The following DLG2 variants were observed in gnomAD, a reference collection of about 807,000 sequenced individuals.
The protein encoded by DLG2 is disks large homolog 2.
DLG2 carries 45 observed loss-of-function variants against 132.5 expected under a neutral mutation model. That is an observed-to-expected ratio of 0.34 (90% confidence interval 0.27 to 0.44). DLG2 has a LOEUF of 0.44. DLG2 is among the 20% of genes least tolerant of loss of function. The pLI, the probability that DLG2 is intolerant of heterozygous loss-of-function variation, is 1.00. For synonymous variants in DLG2, 424 were observed against 419.6 expected, an observed-to-expected ratio of 1.01 and a Z score of -0.13; for missense variants, 1,045 against 1,196.9, an observed-to-expected ratio of 0.87 and a Z score of 1.87.
intron 6 of DLG2, among the ~76,000 whole-genome samples, chr11:84,758,034 G>A (rs1404757738): frequency 6.6e-6 from 1 of 152,190 alleles, no homozygotes; most frequent in Non-Finnish European, 1.5e-5. Flanking sequence ...CAATGGTTGG[G>A]TCATTGCCAT....
chr11:83,686,801 C>T (rs1183085596), intron 18 of DLG2, among the ~76,000 whole-genome samples: 1 of 152,130 alleles, frequency 6.6e-6, no homozygotes, highest in African/African-American at 2.4e-5. Flanking sequence ...TTTGATACAA[C>T]AATTCCAGAG....
chr11:84,002,297 C>G (rs12421337), intron 11 of DLG2, among the ~76,000 whole-genome samples: 3 of 152,134 alleles, frequency 2.0e-5, no homozygotes, highest in African/African-American at 7.2e-5. Context: ...ATCTACCATC[C>G]TAGGGTCTGG....
At chr11:84,333,586 C>CT (rs2098470888) in intron 7 of DLG2, among the ~76,000 whole-genome samples, 1 of 152,170 alleles carries the variant, frequency 6.6e-6, no homozygotes, top group Non-Finnish European at 1.5e-5. Context: ...GCTGTTTACA[C>CT]TTTTTTCTTA....
intron 18 of DLG2, among the ~76,000 whole-genome samples, chr11:83,715,597 A>G (rs1450093447): frequency 1.3e-5 from 2 of 152,178 alleles, no homozygotes. Flanking sequence ...TCTAATGGCA[A>G]AATTGATCTT....
intron 7 of DLG2, among the ~76,000 whole-genome samples, chr11:84,349,879 T>TA (rs891079076): frequency 1.6e-4 from 24 of 151,912 alleles, no homozygotes; most frequent in Admixed American, 1.5e-3. Flanking sequence ...ATTCTGGCTT[T>TA]AAAAAAATCC....
chr11:83,916,428 G>A (rs2076935564), intron 15 of DLG2, among the ~76,000 whole-genome samples: 1 of 151,898 alleles, frequency 6.6e-6, no homozygotes, highest in African/African-American at 2.4e-5. Flanking sequence ...TGACTCTCCT[G>A]TCTCAACCTC....
chr11:84,685,584 A>T (rs1357141389), intron 6 of DLG2, among the ~76,000 whole-genome samples: 1 of 152,218 alleles, frequency 6.6e-6, no homozygotes, highest in Non-Finnish European at 1.5e-5. Context: ...TGAGCTAGAG[A>T]TTTATTTATC....
intron 16 of DLG2, among the ~76,000 whole-genome samples, chr11:83,834,172 C>A (rs540135666): frequency 6.6e-6 from 1 of 152,224 alleles, no homozygotes; most frequent in Non-Finnish European, 1.5e-5. Flanking sequence ...TCTTACAAGC[C>A]AGGTTGTGGG....
intron 15 of DLG2, among the ~76,000 whole-genome samples, chr11:83,883,179 T>C (rs375686477): frequency 6.6e-6 from 1 of 152,200 alleles, no homozygotes; most frequent in Admixed American, 6.5e-5. Context: ...AGTTAACATA[T>C]CGTGTTCCTT....
chr11:84,630,261 G>A (rs1286460079), intron 6 of DLG2, among the ~76,000 whole-genome samples: 2 of 152,162 alleles, frequency 1.3e-5, no homozygotes, highest in East Asian at 3.9e-4. Flanking sequence ...CTATGTCTGA[G>A]TAAATAACTC....
chr11:84,616,996 T>A (rs924852812), intron 6 of DLG2, among the ~76,000 whole-genome samples: 8 of 151,170 alleles, frequency 5.3e-5, no homozygotes, highest in Non-Finnish European at 7.4e-5. Flanking sequence ...TTTTTTTTTT[T>A]AATTATACTT....
chr11:83,513,101 A>T (rs895646769), intron 21 of DLG2, among the ~76,000 whole-genome samples: 2 of 152,200 alleles, frequency 1.3e-5, no homozygotes, highest in East Asian at 3.9e-4. Context: ...CCTGAGGAAT[A>T]GCCACACTGT....
intron 3 of DLG2, among the ~76,000 whole-genome samples, chr11:85,405,032 A>G (rs1459909575): frequency 1.3e-5 from 2 of 151,906 alleles, no homozygotes; most frequent in Non-Finnish European, 2.9e-5. Flanking sequence ...TGGAAGAGGA[A>G]AAACAATGGC....
At chr11:84,197,187 T>C (rs368326305) in intron 8 of DLG2, among the ~76,000 whole-genome samples, 2 of 152,078 alleles carry the variant, frequency 1.3e-5, no homozygotes, top group Admixed American at 6.6e-5. Context: ...GTATATTAAA[T>C]ATACAGGAGA....
At chr11:84,923,247 C>A (rs555301956) in intron 6 of DLG2, 9 of 1,516,720 alleles carry the variant, frequency 5.9e-6, no homozygotes, top group Non-Finnish European at 8.0e-6. Flanking sequence ...ATGCATTGAT[C>A]TCTGTTTTCT....
At chr11:83,935,678 G>A (rs112112807) in intron 14 of DLG2, among the ~76,000 whole-genome samples, 3,993 of 152,138 alleles carry the variant, frequency 0.026, 172 homozygotes, top group African/African-American at 0.089. Flanking sequence ...TTTGCGCCAC[G>A]CTTACTTAAC....
chr11:83,910,926 A>G (rs1239409888), intron 15 of DLG2, among the ~76,000 whole-genome samples: 2 of 152,112 alleles, frequency 1.3e-5, no homozygotes, highest in African/African-American at 4.8e-5. Context: ...TCTATATTCA[A>G]GAGGTTTACA....
intron 18 of DLG2, among the ~76,000 whole-genome samples, chr11:83,638,065 T>C (rs1471943744): frequency 6.6e-6 from 1 of 152,204 alleles, no homozygotes; most frequent in African/African-American, 2.4e-5. Flanking sequence ...GGGATTTTCT[T>C]CTGTAACAAG....
At position 83,455,905 on chromosome 11, in the gene DLG2, G is replaced by A. The variant is rs1284827310; in HGVS notation, c.*3913C>T. 1 of 152,394 alleles carries A rather than the reference G, an allele frequency of 6.6e-6. No individual in the cohort carries two copies. Among genetic ancestry groups the A allele is most frequent in the Non-Finnish European group, 1.5e-5 (1 of 68,038 alleles). The allele number at this position is 152,394 out of a possible 1,614,324, so 9.4% of individuals were successfully genotyped here. On this transcript the variant is annotated 3_prime_UTR_variant, in exon 28 of 28. Coordinates refer to ENST00000376104, the MANE Select transcript of DLG2 (RefSeq NM_001142699.3). ...AACTTAGGAATTAGCCTGAGTCCTT[G>A]GCTTAAATATATTTGTAGGAATTTA...
Sources: allele counts gnomAD v4.1 joint callset (sites outside exome capture counted in the v4.1 genomes callset), GRCh38; gene constraint gnomAD v4.1.1; transcripts MANE v1.5; gene names NCBI Gene and HGNC (gene_info 2026-07-23, HGNC 2026-07-21).